Variants in ZNF718 observed in about 807,000 individuals in gnomAD.
ZNF718 encodes the protein zinc finger protein 718.
ZNF718 carries 3 observed loss-of-function variants against 2.6 expected under a neutral mutation model. The observed-to-expected ratio is 1.16, with a 90% CI of 0.53 to 3.01. ZNF718 has a LOEUF of 3.01. Among genes scored for constraint, ZNF718 ranks in the 30% most tolerant of loss-of-function variants. The pLI is 0.03. For missense variants in ZNF718, 468 were observed against 230.0 expected (o/e 2.03, Z -6.69); for synonymous variants, 135 against 77.9 (o/e 1.73, Z -3.86).
At chr4:169,816 G>A (rs1581472098) in intron 3 of ZNF718, among the ~76,000 whole-genome samples, 1 of 152,106 alleles carries the variant, frequency 6.6e-6, no homozygotes, top group East Asian at 1.9e-4. Context: ...GCCAGTCTGT[G>A]TCTTTTAATT....
intron 1 of ZNF718, among the ~76,000 whole-genome samples, chr4:125,605 G>A (rs1275950803): frequency 6.6e-6 from 1 of 152,200 alleles, no homozygotes; most frequent in Non-Finnish European, 1.5e-5. Context: ...CAGGAGGCGC[G>A]GCCGGGTTCT....
At chr4:168,856 A>G (rs1200046333), downstream of ZNF718, among the ~76,000 whole-genome samples, 6 of 151,704 alleles carry the variant, frequency 4.0e-5, no homozygotes, top group East Asian at 1.9e-4. Flanking sequence ...ATCTCCTTCA[A>G]TTCTGCTCTG....
chr4:174,721 C>T (rs1717313924), intron 3 of ZNF718, among the ~76,000 whole-genome samples: 2 of 152,148 alleles, frequency 1.3e-5, no homozygotes, highest in African/African-American at 4.8e-5. Context: ...TGAAGAATCT[C>T]ATAGTAGAAT....
In ZNF718 at chr4:161,601, G is replaced by A. The variant is rs200247612; in HGVS notation, c.916G>A (p.Ala306Thr). 17 of 780,234 alleles carry A rather than the reference G, an allele frequency of 2.2e-5. No individual in the cohort carries two copies. In the African/African-American group the frequency reaches 2.5e-4, roughly 12 times the overall value. The allele number at this position is 780,234 out of a possible 1,614,324, so 48.3% of individuals were successfully genotyped here. ...SSLNEHKRIH[A>T]GEKPFSCEEC... ...CCTTAATGAACATAAGAGAATTCATGCTGGAGAGAAACCCTTCTCATGCGA... is the reference window on the plus strand; with the variant it reads ...CCTTAATGAACATAAGAGAATTCATACTGGAGAGAAACCCTTCTCATGCGA... The change falls in exon 4 of 4, where the codon GCT (alanine) becomes ACT (threonine). Residue 306 changes from alanine to threonine, a missense_variant. Transcript: ENST00000510175.
chr4:184,649 T>C (rs552523844), intron 3 of ZNF718, among the ~76,000 whole-genome samples: 1 of 152,316 alleles, frequency 6.6e-6, no homozygotes, highest in South Asian at 2.1e-4. Flanking sequence ...TCCTGGGCTT[T>C]TTTTGGTCAG....
At chr4:157,103 C>CTTTTTTT (rs199814257) in intron 3 of ZNF718, among the ~76,000 whole-genome samples, 85 of 102,950 alleles carry the variant, frequency 8.3e-4, no homozygotes, top group Non-Finnish European at 9.9e-4. Context: ...TTCTTTCTTT[C>CTTTTTTT]TTTTTTTTTT....
At chr4:140,951 T>C (rs918318953) in intron 3 of ZNF718, among the ~76,000 whole-genome samples, 8 of 152,242 alleles carry the variant, frequency 5.3e-5, no homozygotes, top group Non-Finnish European at 8.8e-5. Flanking sequence ...CTGAATTTTA[T>C]GTTTGTCTTT....
chr4:199,493 T>C (rs1476950280), intron 3 of ZNF718, among the ~76,000 whole-genome samples: 1 of 152,088 alleles, frequency 6.6e-6, no homozygotes, highest in Non-Finnish European at 1.5e-5. Flanking sequence ...AGCGTGTGAA[T>C]GACTGATAGC....
intron 3 of ZNF718, among the ~76,000 whole-genome samples, chr4:143,495 G>A (rs574642188): frequency 4.2e-4 from 64 of 152,314 alleles, no homozygotes; most frequent in African/African-American, 1.4e-3. Flanking sequence ...CAAGGGGGAA[G>A]TTTTTAAACA....
Position 161,525 on chromosome 4 carries a change from A to G in ZNF718, c.840A>G (p.Gln280=). The G allele has an allele frequency of 1.3e-6, 1 of 780,666 alleles. No individual in the cohort carries two copies. The highest frequency in any genetic ancestry group is 2.4e-6 in the Non-Finnish European group (1 of 417,954). The allele number at this position is 780,666 out of a possible 1,614,324, so 48.4% of individuals were successfully genotyped here. Residue 280 remains glutamine (Q), a synonymous_variant, in exon 4 of 4, where the codon CAA becomes CAG. Coordinates refer to ENST00000510175, the MANE Select transcript of ZNF718 (RefSeq NM_001039127.6). The part of the protein sequence containing the change: ...LNLHKRIHSA[Q]KYYKCEECGK... The stretch of plus-strand genomic sequence containing the variant: ...TACATAAGAGAATTCATTCTGCACA[A>G]AAATACTACAAATGTGAAGAATGTG...
At chr4:201,770 G>T in exon 5 of ZNF718, 1 of 182,222 alleles carries the variant, frequency 5.5e-6, no homozygotes, top group South Asian at 1.3e-4. Flanking sequence ...TTTTCTACCT[G>T]ATTCCATGCC....
intron 3 of ZNF718, among the ~76,000 whole-genome samples, chr4:177,003 G>C (rs1717363583): frequency 1.3e-5 from 2 of 152,098 alleles, no homozygotes; most frequent in Non-Finnish European, 2.9e-5. Flanking sequence ...CTGCAAATTG[G>C]ACCAGAACAT....
At chr4:166,286 T>C (rs1220240664), downstream of ZNF718, among the ~76,000 whole-genome samples, 1 of 152,234 alleles carries the variant, frequency 6.6e-6, no homozygotes, top group Non-Finnish European at 1.5e-5. Context: ...TCTTTGCTAT[T>C]GTGAATAGTG....
intron 3 of ZNF718, among the ~76,000 whole-genome samples, chr4:144,876 G>C (rs1715979083): frequency 6.6e-6 from 1 of 151,906 alleles, no homozygotes; most frequent in Admixed American, 6.6e-5. Context: ...GAGTTCTAAT[G>C]GTGTTTTAGT....
intron 3 of ZNF718, among the ~76,000 whole-genome samples, chr4:149,215 C>T (rs1716208552): frequency 6.6e-6 from 1 of 152,158 alleles, no homozygotes; most frequent in African/African-American, 2.4e-5. Context: ...CCCAAGTTTA[C>T]ACATTGTGTA....
chr4:134,144 T>C (rs963967269), intron 3 of ZNF718, among the ~76,000 whole-genome samples: 2 of 151,734 alleles, frequency 1.3e-5, no homozygotes, highest in African/African-American at 4.9e-5. Flanking sequence ...TTTTTTTGTT[T>C]TGTTTTGTTT....
At chr4:152,802 G>A (rs1581448332) in intron 3 of ZNF718, among the ~76,000 whole-genome samples, 1 of 151,910 alleles carries the variant, frequency 6.6e-6, no homozygotes, top group East Asian at 1.9e-4. Context: ...TTTGTTTTAA[G>A]TTTGTTATAT....
At chr4:176,018 A>G (rs1209283031) in intron 3 of ZNF718, among the ~76,000 whole-genome samples, 1 of 151,864 alleles carries the variant, frequency 6.6e-6, no homozygotes, top group African/African-American at 2.4e-5. Flanking sequence ...CTTAACAAGC[A>G]TATCAATTTG....
In ZNF718 at chr4:163,451, G is replaced by A. The variant is rs568126963; in HGVS notation, c.*1329G>A. 1.3e-5 allele frequency: 2 copies of A among 152,332 alleles called. No individual in the cohort carries two copies. The highest frequency in any genetic ancestry group is 3.9e-4 in the East Asian group (2 of 5,186). The allele number at this position is 152,332 out of a possible 1,614,324, so 9.4% of individuals were successfully genotyped here. A position where few individuals can be genotyped will look rare whatever the true frequency, so the allele number is the denominator to read the frequency against. ...GATCCGCCCGCCTCGGCCTCCCAAAGTGCTGGGATTACAGGCGTATTCATG... is the reference window on the plus strand; with the variant it reads ...GATCCGCCCGCCTCGGCCTCCCAAAATGCTGGGATTACAGGCGTATTCATG... On this transcript the variant is annotated 3_prime_UTR_variant, in exon 4 of 4. Coordinates refer to ENST00000510175, the MANE Select transcript of ZNF718 (RefSeq NM_001039127.6).
Sources: allele counts gnomAD v4.1 joint callset (sites outside exome capture counted in the v4.1 genomes callset), GRCh38; gene constraint gnomAD v4.1.1; transcripts MANE v1.5; gene names NCBI Gene and HGNC (gene_info 2026-07-23, HGNC 2026-07-21).